The following UNC5C variants were observed in gnomAD, a reference collection of about 807,000 sequenced individuals.
The protein encoded by UNC5C is netrin receptor UNC5C.
In UNC5C, 47 loss-of-function variants were observed where a neutral mutation model predicts 99.8. The observed-to-expected ratio is 0.47, with a 90% CI of 0.37 to 0.60. UNC5C has a LOEUF of 0.60. Ranked by LOEUF, UNC5C falls within the 20% of genes least tolerant of loss-of-function variation. UNC5C has a pLI of 0.00. For missense variants in UNC5C, 1,062 were observed against 1,165.9 expected (o/e 0.91, Z 1.30); for synonymous variants, 487 against 452.2 (o/e 1.08, Z -0.98).
At chr4:95,411,004 G>A (rs1745970604) in intron 1 of UNC5C, among the ~76,000 whole-genome samples, 2 of 152,166 alleles carry the variant, frequency 1.3e-5, no homozygotes, top group African/African-American at 4.8e-5. Context: ...ACCTAAACTG[G>A]CAAATGCTTG....
intron 1 of UNC5C, among the ~76,000 whole-genome samples, chr4:95,456,247 G>A (rs1187423715): frequency 6.6e-6 from 1 of 151,980 alleles, no homozygotes; most frequent in African/African-American, 2.4e-5. Context: ...ATGTGTTCAA[G>A]TAAAATAAAA....
chr4:95,206,737 C>G lies in UNC5C; in HGVS notation c.1793G>C (p.Gly598Ala). ...GACGACTGGGCGGGTGAGCAGAGCT[C>G]CTGGGGGCCCACAGCTCACCACAGG... ...LTPVVSCGPP[G>A]ALLTRPVVLT... The change falls in exon 11 of 16, where the codon GGA (glycine) becomes GCA (alanine). Residue 598 changes from glycine (G) to alanine (A), a missense_variant. Transcript: ENST00000453304. The G allele has an allele frequency of 6.2e-7, 1 of 1,613,752 alleles. No homozygotes were observed. The highest frequency in any genetic ancestry group is 8.5e-7 in the Non-Finnish European group (1 of 1,179,870).
intron 7 of UNC5C, 105 bp downstream of exon 7, chr4:95,242,324 T>C (rs1739353607): frequency 1.4e-6 from 2 of 1,460,924 alleles, no homozygotes; most frequent in Non-Finnish European, 1.8e-6. Context: ...TATTGCATTT[T>C]ATTGTTGTTG....
rs1356871090 is a variant in UNC5C, at chr4:95,491,337, A to T, written c.124+57397T>A. Among the ~76,000 whole-genome samples the T allele has an allele frequency of 2.0e-5, 3 of 151,690 alleles. No homozygotes were observed. The East Asian group carries it at 5.8e-4, about 29-fold the overall frequency. The stretch of plus-strand genomic sequence containing the variant: ...TAAAAGTGATCATATTCACTTATTG[A>T]TAGAAAGAAATGTAGAATTTAGGAT... On this transcript the variant is annotated intron_variant, in intron 1 of 15. Coordinates refer to ENST00000453304, the MANE Select transcript of UNC5C (RefSeq NM_003728.4).
chr4:95,346,815 A>C lies in UNC5C; in HGVS notation c.125-11184T>G, dbSNP rs1163507947. Among the ~76,000 whole-genome samples the C allele has an allele frequency of 2.0e-5, 3 of 152,036 alleles. No homozygotes were observed. The East Asian group carries it at 5.8e-4, about 29-fold the overall frequency. ...CAAACCCACAACTGGTATCATACTA[A>C]ATGGGACAAATCTGAAAGCTTTTTC... On this transcript the variant is annotated intron_variant, in intron 1 of 15. Transcript: ENST00000453304.
chr4:95,243,597 T>G (rs1739400797), intron 6 of UNC5C, among the ~76,000 whole-genome samples: 1 of 152,210 alleles, frequency 6.6e-6, no homozygotes, highest in African/African-American at 2.4e-5. Flanking sequence ...TACATATTAG[T>G]AAAAATTATA....
chr4:95,509,915 G>A (rs1285448456), intron 1 of UNC5C, among the ~76,000 whole-genome samples: 2 of 151,748 alleles, frequency 1.3e-5, no homozygotes, highest in East Asian at 1.9e-4. Context: ...GTGCGTTTGC[G>A]TTTCACGTCG....
intron 12 of UNC5C, among the ~76,000 whole-genome samples, chr4:95,194,248 A>G (rs1737283190): frequency 6.6e-6 from 1 of 152,194 alleles, no homozygotes; most frequent in Non-Finnish European, 1.5e-5. Context: ...ACATCTATGT[A>G]TTAGGAACAG....
chr4:95,452,973 T>C (rs1452337799), intron 1 of UNC5C, among the ~76,000 whole-genome samples: 1 of 152,218 alleles, frequency 6.6e-6, no homozygotes, highest in African/African-American at 2.4e-5. Flanking sequence ...GGAAATTGAA[T>C]GTGGTTGACA....
intron 1 of UNC5C, among the ~76,000 whole-genome samples, chr4:95,504,776 A>G (rs572330043): frequency 6.6e-6 from 1 of 152,244 alleles, no homozygotes; most frequent in Admixed American, 6.6e-5. Flanking sequence ...GATATTACAT[A>G]TGCATATATG....
At chr4:95,290,578 T>C (rs974516599) in intron 3 of UNC5C, among the ~76,000 whole-genome samples, 1 of 152,168 alleles carries the variant, frequency 6.6e-6, no homozygotes, top group African/African-American at 2.4e-5. Context: ...GATTCTGTTT[T>C]GTTATTTACA....
At chr4:95,250,462 A>G (rs1470612687) in intron 5 of UNC5C, 25 bp downstream of exon 5, 3 of 1,607,798 alleles carry the variant, frequency 1.9e-6, no homozygotes, top group Non-Finnish European at 2.5e-6. Context: ...CATGAACTAG[A>G]TTGAGACCCT....
chr4:95,513,284 A>G (rs530553707), intron 1 of UNC5C, among the ~76,000 whole-genome samples: 124 of 152,316 alleles, frequency 8.1e-4, no homozygotes, highest in African/African-American at 2.9e-3. Context: ...TTGCAATGGG[A>G]GCATTAGTCA....
At chr4:95,482,736 A>T (rs1721199864) in intron 1 of UNC5C, among the ~76,000 whole-genome samples, 1 of 123,136 alleles carries the variant, frequency 8.1e-6, no homozygotes, top group South Asian at 2.5e-4. Context: ...GGAAATCATC[A>T]TTCTCAGTAA....
intron 4 of UNC5C, among the ~76,000 whole-genome samples, chr4:95,274,741 A>G (rs1262943561): frequency 1.3e-5 from 2 of 152,006 alleles, no homozygotes; most frequent in African/African-American, 4.8e-5. Context: ...GATCAGGGTA[A>G]GGGGCCAGGC....
chr4:95,376,755 C>A (rs1744907635), intron 1 of UNC5C, among the ~76,000 whole-genome samples: 1 of 152,194 alleles, frequency 6.6e-6, no homozygotes, highest in Non-Finnish European at 1.5e-5. Context: ...AGATAAACCA[C>A]TATTGTTGTG....
chr4:95,169,193 C>A lies in UNC5C; in HGVS notation c.*41G>T. On this transcript the variant is annotated 3_prime_UTR_variant, in exon 16 of 16. Transcript: ENST00000453304. The stretch of plus-strand genomic sequence containing the variant: ...ATTCACCTGGACGGCCACAGACTCC[C>A]TGTGCATTTTTGTCCTTCATTTCCC... 1.9e-6 allele frequency: 3 copies of A among 1,608,792 alleles called. No individual in the cohort carries two copies. The highest frequency in any genetic ancestry group is 1.1e-5 in the South Asian group (1 of 90,486).
chr4:95,314,062 A>G (rs1742379416), intron 2 of UNC5C, among the ~76,000 whole-genome samples: 1 of 152,204 alleles, frequency 6.6e-6, no homozygotes. Context: ...ACTGCATCAT[A>G]ATTATCTTGT....
intron 5 of UNC5C, among the ~76,000 whole-genome samples, chr4:95,249,796 T>C (rs1739627255): frequency 6.6e-6 from 1 of 152,120 alleles, no homozygotes; most frequent in South Asian, 2.1e-4. Context: ...TAGCATATCG[T>C]TAGGATTAGG....
Sources: gnomAD v4.1 joint callset for allele counts (sites outside exome capture counted in the v4.1 genomes callset) on GRCh38, gnomAD v4.1.1 for gene constraint, MANE v1.5 for transcripts, NCBI Gene and HGNC (gene_info 2026-07-23, HGNC 2026-07-21) for gene names.